Variants in LINS1 observed in about 807,000 individuals in gnomAD.
The protein encoded by LINS1 is lines homolog 1.
Under a neutral mutation model 41.6 loss-of-function variants are expected in LINS1, and 27 were observed. That is an observed-to-expected ratio of 0.65 (90% CI 0.48 to 0.89). The LOEUF (loss-of-function observed/expected upper bound fraction) is 0.89. Ranked by LOEUF, LINS1 falls within the 40% of genes least tolerant of loss-of-function variation. The pLI, the probability that LINS1 is intolerant of heterozygous loss-of-function variation, is 0.00. For missense variants in LINS1, 955 were observed against 884.1 expected (o/e 1.08, Z -1.02); for synonymous variants, 336 against 312.9 (o/e 1.07, Z -0.78).
chr15:100,572,252 A>G (rs1202035337), intron 5 of LINS1, 187 bp from the exon 6 acceptor site: 84 of 1,405,316 alleles, frequency 6.0e-5, no homozygotes, highest in Middle Eastern at 2.7e-4. Context: ...AGGCTCAGGG[A>G]AAAAAAGTGA....
Position 100,567,682 on chromosome 15 carries a change from T to C in LINS1, c.*1556A>G, listed in dbSNP as rs2037605230. 1 of 152,240 alleles carries C rather than the reference T, an allele frequency of 6.6e-6. No homozygotes were observed. Among genetic ancestry groups the C allele is most frequent in the African/African-American group, 2.4e-5 (1 of 41,458 alleles). The allele number at this position is 152,240 out of a possible 1,614,324, so 9.4% of individuals were successfully genotyped here. A position where few individuals can be genotyped will look rare whatever the true frequency, so the allele number is the denominator to read the frequency against. ...ACCTTAACATTTTTTACAAACTATG[T>C]GGCATCCTTGAATACACATTCTTTG... is the stretch of plus-strand genomic sequence containing the variant. On this transcript the variant is annotated 3_prime_UTR_variant, in exon 7 of 7. Transcript: ENST00000314742.
intron 1 of LINS1, among the ~76,000 whole-genome samples, chr15:100,600,509 C>T (rs117917190): frequency 9.1e-6 from 1 of 109,376 alleles, no homozygotes; most frequent in East Asian, 2.6e-4. Context: ...AATAAAATAC[C>T]GCTTTTATTT....
rs1469036828 is a variant in LINS1, at chr15:100,580,338, T to G, written c.414A>C (p.Gln138His). 6.2e-7 allele frequency: 1 copy of G among 1,612,938 alleles called. No homozygotes were observed. The highest frequency in any genetic ancestry group is 1.3e-5 in the African/African-American group (1 of 75,006). Residue 138 changes from glutamine to histidine, a missense_variant, in exon 3 of 7, where the codon CAA becomes CAC. By Grantham distance (24) the Gln-to-His change is conservative. Transcript: ENST00000314742. ...TGTGAGATAACAATTTATCTGAATT[T>G]TGGAACATGCAGATCTACAGGAAAA... ...KVDSKLICMF[Q>H]NSDKLLSHMA...
chr15:100,580,138 T>C (rs1223934381), intron 3 of LINS1, 125 bp downstream of exon 3: 10 of 748,004 alleles, frequency 1.3e-5, no homozygotes, highest in Middle Eastern at 3.8e-4. Flanking sequence ...GGCAGGAGGA[T>C]TGCTTGAGCC....
Position 100,580,917 on chromosome 15 carries a change from G to A in LINS1, c.-75C>T, listed in dbSNP as rs148458648. ...AAACATTAAATCTCAGAAGTGCAAT[G>A]AATCTCTAAGAAGTTTCTTCAGTGA... is the stretch of plus-strand genomic sequence containing the variant. On this transcript the variant is annotated 5_prime_UTR_variant, in exon 2 of 7. Transcript: ENST00000314742. 1.9e-4 allele frequency: 255 copies of A among 1,347,926 alleles called. No homozygotes were observed. The African/African-American group carries it at 3.1e-3, about 17-fold the overall frequency. The allele number at this position is 1,347,926 out of a possible 1,614,324, so 83.5% of individuals were successfully genotyped here. A position where few individuals can be genotyped will look rare whatever the true frequency, so the allele number is the denominator to read the frequency against.
chr15:100,572,089 G>A, intron 5 of LINS1, 24 bp from the exon 6 acceptor site: 1 of 1,613,594 alleles, frequency 6.2e-7, no homozygotes. Context: ...AAATTTCAAA[G>A]TGTAGGCAAT....
chr15:100,596,395 G>A (rs575905284), intron 1 of LINS1, among the ~76,000 whole-genome samples: 2 of 145,370 alleles, frequency 1.4e-5, no homozygotes, highest in Non-Finnish European at 3.1e-5. Context: ...TCACGTGTTT[G>A]TAAATTGTCT....
At chr15:100,587,305 C>T (rs2038852372) in intron 1 of LINS1, among the ~76,000 whole-genome samples, 1 of 151,872 alleles carries the variant, frequency 6.6e-6, no homozygotes, top group Admixed American at 6.6e-5. Context: ...TGGATAGTGC[C>T]GGCACTGAAG....
At chr15:100,587,071 ATCGCTT>A (rs1255594695) in intron 1 of LINS1, among the ~76,000 whole-genome samples, 3 of 148,240 alleles carry the variant, frequency 2.0e-5, no homozygotes, top group Non-Finnish European at 4.5e-5. Flanking sequence ...AGGCAGCAGA[ATCGCTT>A]GAGCCCAGGA....
At chr15:100,573,609 A>G in intron 5 of LINS1, 42 bp downstream of exon 5, 1 of 1,201,028 alleles carries the variant, frequency 8.3e-7, no homozygotes, top group Non-Finnish European at 1.2e-6. Context: ...GTACTTAAGT[A>G]AATAATTACA....
chr15:100,600,458 T>C (rs963744869), intron 1 of LINS1, among the ~76,000 whole-genome samples: 7 of 145,638 alleles, frequency 4.8e-5, no homozygotes, highest in Non-Finnish European at 8.9e-5. Context: ...AGGGGTTTAA[T>C]CTAAAACAAT....
intron 6 of LINS1, among the ~76,000 whole-genome samples, chr15:100,571,496 C>A (rs1391488007): frequency 6.6e-6 from 1 of 152,204 alleles, no homozygotes; most frequent in East Asian, 1.9e-4. Flanking sequence ...AGAACAGCTT[C>A]TTTGATTATT....
chr15:100,578,208 A>C (rs2038306481), intron 3 of LINS1, among the ~76,000 whole-genome samples: 1 of 152,040 alleles, frequency 6.6e-6, no homozygotes, highest in African/African-American at 2.4e-5. Context: ...TCTGCACAGC[A>C]AAAGAAACTA....
intron 3 of LINS1, among the ~76,000 whole-genome samples, chr15:100,578,036 A>G (rs2038293542): frequency 2.6e-5 from 4 of 152,192 alleles, no homozygotes; most frequent in African/African-American, 7.2e-5. Flanking sequence ...AGATGGATTA[A>G]AGACTTATAT....
At chr15:100,595,098 GA>G (rs2039190053) in intron 1 of LINS1, among the ~76,000 whole-genome samples, 1 of 151,718 alleles carries the variant, frequency 6.6e-6, no homozygotes, top group South Asian at 2.1e-4. Context: ...TAAACTTTTA[GA>G]AAAAAAATGT....
rs746059797 is a variant in LINS1, at chr15:100,580,593, C to T, written c.250G>A (p.Gly84Ser). 14 of 1,613,988 alleles carry T rather than the reference C, an allele frequency of 8.7e-6. No individual in the cohort carries two copies. The highest frequency in any genetic ancestry group is 7.7e-5 in the South Asian group (7 of 91,078). The change falls in exon 2 of 7, where the codon GGT becomes AGT. Residue 84 changes from glycine (G) to serine (S), a missense_variant. Coordinates refer to ENST00000314742, the MANE Select transcript of LINS1 (RefSeq NM_001040616.3). ...TGAAGGAGCATTACTTCTCTGGAAC[C>T]GCTCATCTGAGAGTTGGTCTTCAAA... ...VCLKTNSQMS[G>S]SREVMLLQLT...
At chr15:100,574,944 A>T in intron 4 of LINS1, 43 bp downstream of exon 4, 1 of 1,592,580 alleles carries the variant, frequency 6.3e-7, no homozygotes, top group Non-Finnish European at 8.6e-7. Flanking sequence ...CAACGCTCCC[A>T]GGAGCAAGAT....
chr15:100,590,290 A>G (rs1418528147), intron 1 of LINS1, among the ~76,000 whole-genome samples: 3 of 152,234 alleles, frequency 2.0e-5, no homozygotes, highest in African/African-American at 7.2e-5. Flanking sequence ...TTATTTGTGA[A>G]GGATTTTGCA....
chr15:100,577,288 A>C (rs2038243686), intron 3 of LINS1, among the ~76,000 whole-genome samples: 1 of 152,246 alleles, frequency 6.6e-6, no homozygotes, highest in Non-Finnish European at 1.5e-5. Context: ...CCATCGTCTC[A>C]GCCCAAAATC....
Sources: allele counts gnomAD v4.1 joint callset (sites outside exome capture counted in the v4.1 genomes callset), GRCh38; gene constraint gnomAD v4.1.1; transcripts MANE v1.5; gene names NCBI Gene and HGNC (gene_info 2026-07-23, HGNC 2026-07-21).